Variants in PRKCQ observed in about 807,000 individuals in gnomAD.
The protein encoded by PRKCQ is protein kinase C theta type.
PRKCQ carries 41 observed loss-of-function variants against 91.2 expected under a neutral mutation model. The ratio of observed to expected loss-of-function variants is 0.45; its 90% CI spans 0.35 to 0.58. The LOEUF is 0.58. Among genes scored for constraint, PRKCQ ranks in the 20% least tolerant of loss-of-function variants. The pLI is 0.00. For missense variants in PRKCQ, 673 were observed against 896.5 expected (o/e 0.75, Z 3.18); for synonymous variants, 307 against 316.9 (o/e 0.97, Z 0.33).
intron 1 of PRKCQ, among the ~76,000 whole-genome samples, chr10:6,529,459 G>A (rs1839313695): frequency 6.6e-6 from 1 of 152,182 alleles, no homozygotes; most frequent in African/African-American, 2.4e-5. Context: ...GTGAGGAAGA[G>A]CACACCACCC....
Position 6,479,072 on chromosome 10 carries a change from T to C in PRKCQ, c.1273A>G (p.Thr425Ala). The C allele has an allele frequency of 6.2e-7, 1 of 1,614,238 alleles. No individual in the cohort carries two copies. Among genetic ancestry groups the C allele is most frequent in the Non-Finnish European group, 8.5e-7 (1 of 1,180,028 alleles). Residue 425 changes from threonine to alanine, a missense_variant, in exon 12 of 18, where the codon ACG (threonine) becomes GCG (alanine). Thr to Ala is a moderately conservative substitution (Grantham distance 58, BLOSUM62 0). Transcript: ENST00000263125. Reference protein sequence around the residue: ...VVLMDDDVECTMVEKRVLSLA... With the variant: ...VVLMDDDVECAMVEKRVLSLA... ...GAAAGAACTCTCTTCTCTACCATCG[T>C]GCACTCAACATCATCGTCCATCAAG... is the stretch of plus-strand genomic sequence containing the variant.
intron 13 of PRKCQ, 112 bp downstream of exon 13, chr10:6,464,201 G>A (rs930153940): frequency 2.2e-6 from 2 of 889,632 alleles, no homozygotes; most frequent in African/African-American, 3.4e-5. Context: ...GTATTCCCAA[G>A]GGTTCACCTG....
At chr10:6,520,290 G>A (rs919457122) in intron 1 of PRKCQ, among the ~76,000 whole-genome samples, 14 of 152,114 alleles carry the variant, frequency 9.2e-5, no homozygotes, top group Admixed American at 7.8e-4. Context: ...GCCCTCACCC[G>A]CTGCTTCAAC....
At chr10:6,443,752 C>T (rs1479421707) in intron 15 of PRKCQ, among the ~76,000 whole-genome samples, 4 of 152,300 alleles carry the variant, frequency 2.6e-5, no homozygotes, top group African/African-American at 7.2e-5. Context: ...CTGTCACATG[C>T]TACGTGAGTG....
intron 15 of PRKCQ, 69 bp downstream of exon 15, chr10:6,456,605 G>C: frequency 6.4e-7 from 1 of 1,553,008 alleles, no homozygotes; most frequent in South Asian, 1.2e-5. Context: ...TGATTTTCAG[G>C]GGCTAAAGAA....
the PRKCQ span, among the ~76,000 whole-genome samples, chr10:6,404,255 G>GGGGGGAGA: frequency 1.5e-4 from 5 of 34,350 alleles, no homozygotes; most frequent in African/African-American, 3.4e-4. Context: ...GAAGGGGGGG[G>GGGGGGAGA]GAGAGAGAGA....
the PRKCQ span, among the ~76,000 whole-genome samples, chr10:6,396,458 T>C: frequency 7.0e-4 from 107 of 152,364 alleles, 1 homozygote; most frequent in East Asian, 0.019. Flanking sequence ...TGTCAAGCCC[T>C]AGGCAAACAC....
At chr10:6,508,917 G>A (rs1838332262) in intron 3 of PRKCQ, among the ~76,000 whole-genome samples, 1 of 152,114 alleles carries the variant, frequency 6.6e-6, no homozygotes, top group African/African-American at 2.4e-5. Context: ...CTCTCAATAC[G>A]GCGTTGAGAA....
intron 16 of PRKCQ, among the ~76,000 whole-genome samples, chr10:6,439,395 G>C (rs1016765451): frequency 2.6e-5 from 4 of 152,220 alleles, no homozygotes; most frequent in African/African-American, 9.7e-5. Context: ...AGGTTGGGGA[G>C]AGCTGGTCTG....
At chr10:6,419,061 A>G in the PRKCQ span, among the ~76,000 whole-genome samples, 1 of 151,566 alleles carries the variant, frequency 6.6e-6, no homozygotes, top group African/African-American at 2.4e-5. Flanking sequence ...CTATCTATGT[A>G]TCATCTATTT....
In PRKCQ at chr10:6,467,395, G is replaced by C. The variant is rs1464338999; in HGVS notation, c.1354-2991C>G. Among the ~76,000 whole-genome samples the C allele has an allele frequency of 2.1e-4, 12 of 58,432 alleles. 1 individual carries two copies. The highest frequency in any genetic ancestry group is 1.6e-3 in the South Asian group (2 of 1,286). The allele number at this position is 58,432 out of a possible 152,430, so 38.3% of individuals were successfully genotyped here. A position where few individuals can be genotyped will look rare whatever the true frequency, so the allele number is the denominator to read the frequency against. The stretch of plus-strand genomic sequence containing the variant: ...AGAGACAGAGAGAGACAGACAGAGA[G>C]AGAGAGAGAGAGAGAGAGAGAGAGA... On this transcript the variant is annotated intron_variant, in intron 12 of 17. Transcript: ENST00000263125.
chr10:6,467,371 G>C (rs1022532261), intron 12 of PRKCQ, among the ~76,000 whole-genome samples: 5 of 107,416 alleles, frequency 4.7e-5, no homozygotes, highest in East Asian at 2.7e-4. Context: ...GAGAGAGAGA[G>C]AGACAGAGAG....
Position 6,438,279 on chromosome 10 carries a change from T to C in PRKCQ, c.1836+3614A>G, listed in dbSNP as rs1276315550. The stretch of plus-strand genomic sequence containing the variant: ...TCTAATGCCCAAGACAAGTTGTCAC[T>C]TTTATTAGAGAGGTGGAAGTGTATT... On this transcript the variant is annotated intron_variant, in intron 16 of 17. Coordinates refer to ENST00000263125, the MANE Select transcript of PRKCQ (RefSeq NM_006257.5). 2.6e-5 allele frequency among the ~76,000 whole-genome samples: 4 copies of C among 152,358 alleles called. No individual in the cohort carries two copies. The East Asian group carries it at 7.7e-4, about 29-fold the overall frequency.
chr10:6,577,552 T>TACAC (rs146275272), intron 1 of PRKCQ, among the ~76,000 whole-genome samples: 1 of 151,682 alleles, frequency 6.6e-6, no homozygotes. Context: ...CACACACACA[T>TACAC]ACACACACAC....
chr10:6,454,224 G>T (rs12248888), intron 15 of PRKCQ, among the ~76,000 whole-genome samples: 1 of 151,880 alleles, frequency 6.6e-6, no homozygotes, highest in Non-Finnish European at 1.5e-5. Context: ...CAGATCTTGG[G>T]GATGCTTTTC....
chr10:6,528,452 G>T (rs1259958744), intron 1 of PRKCQ, among the ~76,000 whole-genome samples: 1 of 152,154 alleles, frequency 6.6e-6, no homozygotes, highest in Non-Finnish European at 1.5e-5. Context: ...CCCTGACACA[G>T]TCCAGCATCG....
At chr10:6,509,284 A>G (rs746401979) in intron 3 of PRKCQ, among the ~76,000 whole-genome samples, 41 of 152,224 alleles carry the variant, frequency 2.7e-4, no homozygotes, top group Non-Finnish European at 5.7e-4. Context: ...CAACCTGCCT[A>G]TCAGTGAAGA....
chr10:6,541,196 A>G (rs976123338), intron 1 of PRKCQ, among the ~76,000 whole-genome samples: 1 of 152,192 alleles, frequency 6.6e-6, no homozygotes, highest in Non-Finnish European at 1.5e-5. Context: ...TGTTCATCAT[A>G]ATGTTCTCAT....
At chr10:6,420,274 C>T in the PRKCQ span, among the ~76,000 whole-genome samples, 63 of 152,290 alleles carry the variant, frequency 4.1e-4, no homozygotes, top group African/African-American at 1.5e-3. Context: ...CTTAAACACA[C>T]CATGCCTTCG....
Sources: gnomAD v4.1 joint callset for allele counts (sites outside exome capture counted in the v4.1 genomes callset) on GRCh38, gnomAD v4.1.1 for gene constraint, MANE v1.5 for transcripts, NCBI Gene and HGNC (gene_info 2026-07-23, HGNC 2026-07-21) for gene names.